Variants in PLG observed in about 807,000 individuals in gnomAD.
The protein encoded by PLG is plasminogen.
A neutral mutation model predicts 104.4 loss-of-function variants in PLG; 41 were observed. That is an observed-to-expected ratio of 0.39 (90% CI 0.31 to 0.51). The LOEUF (loss-of-function observed/expected upper bound fraction) is 0.51, where lower values mean the gene tolerates loss of function less well. Among genes scored for constraint, PLG ranks in the 20% least tolerant of loss-of-function variants. The pLI, the probability that PLG is intolerant of heterozygous loss-of-function variation, is 0.76. For missense variants in PLG, 891 were observed against 1,003.6 expected (o/e 0.89, Z 1.52); for synonymous variants, 337 against 357.1 (o/e 0.94, Z 0.63).
At chr6:160,717,369 G>A (rs891272333) in intron 7 of PLG, among the ~76,000 whole-genome samples, 9 of 152,236 alleles carry the variant, frequency 5.9e-5, no homozygotes, top group African/African-American at 2.2e-4. Flanking sequence ...AAAGGATTCA[G>A]TGAGGGTTGG....
At chr6:160,713,154 A>G (rs1266528254) in intron 5 of PLG, 29 bp downstream of exon 5, 1 of 1,572,300 alleles carries the variant, frequency 6.4e-7, no homozygotes, top group Admixed American at 1.7e-5. Context: ...AAATGTTTTC[A>G]TTTCTGCCCT....
At chr6:160,713,990 G>A (rs1777690349) in intron 5 of PLG, among the ~76,000 whole-genome samples, 1 of 152,196 alleles carries the variant, frequency 6.6e-6, no homozygotes, top group Non-Finnish European at 1.5e-5. Context: ...GGTACTGTGT[G>A]ACAACTCAGT....
chr6:160,708,628 G>A (rs944998922), intron 3 of PLG: 17 of 152,142 alleles, frequency 1.1e-4, no homozygotes, highest in African/African-American at 3.9e-4. Flanking sequence ...TAACAATTTA[G>A]CTCTCCAAAC....
chr6:160,737,155 T>G lies in PLG; in HGVS notation c.1802+148T>G. The G allele has an allele frequency of 3.9e-6, 3 of 761,350 alleles. No individual in the cohort carries two copies. The highest frequency in any genetic ancestry group is 1.8e-5 in the African/African-American group (1 of 55,922). The allele number at this position is 761,350 out of a possible 1,614,324, so 47.2% of individuals were successfully genotyped here. ...AGGAAAAAAGCTACAAAAATTAATA[T>G]ATGTATATATACATATATATTTTTA... On this transcript the variant is annotated intron_variant, in intron 14 of 18. Coordinates refer to ENST00000308192, the MANE Select transcript of PLG (RefSeq NM_000301.5). This position sits in a 1 kb window ranked among gnomAD's most constrained non-coding sequence, Gnocchi z 4.7.
At chr6:160,746,670 A>G (rs951858132) in intron 17 of PLG, among the ~76,000 whole-genome samples, 2 of 152,216 alleles carry the variant, frequency 1.3e-5, no homozygotes, top group African/African-American at 2.4e-5. Context: ...AACCCTTGTT[A>G]GAGAACTAGT....
intron 1 of PLG, chr6:160,706,177 C>T (rs142673539): frequency 3.8e-5 from 22 of 580,930 alleles, no homozygotes; most frequent in Middle Eastern, 5.0e-4. Flanking sequence ...TCCCTCTCTC[C>T]CTTCTCTGGT....
chr6:160,726,616 C>T lies in PLG; in HGVS notation c.1256+4049C>T, dbSNP rs1221270368. On this transcript the variant is annotated intron_variant, in intron 10 of 18. Transcript: ENST00000308192. The surrounding 1 kb of genome is among the most constrained non-coding windows in gnomAD (Gnocchi z 4.4). ...AAAAAAAAGATTTTATTTGCTATTTCACTTTTATTTCCTGATAAGTGTACA... is the reference window on the plus strand; with the variant it reads ...AAAAAAAAGATTTTATTTGCTATTTTACTTTTATTTCCTGATAAGTGTACA... 6.6e-6 allele frequency among the ~76,000 whole-genome samples: 1 copy of T among 151,786 alleles called. No homozygotes were observed. Among genetic ancestry groups the T allele is most frequent in the Non-Finnish European group, 1.5e-5 (1 of 67,822 alleles).
In PLG at chr6:160,706,182, T is replaced by A. The variant is rs997334224; in HGVS notation, c.50-225T>A. The A allele has an allele frequency of 2.2e-5, 13 of 592,242 alleles. No homozygotes were observed. In the African/African-American group the frequency reaches 2.4e-4, roughly 11 times the overall value. 36.7% of individuals were successfully genotyped at this position (592,242 alleles called of 1,614,324 possible). On this transcript the variant is annotated intron_variant, in intron 1 of 18. Transcript: ENST00000308192. ...CTTGCCTTGCTCCCTCTCTCCCTTC[T>A]CTGGTAGTCCCCAGTGTCTTTAGTT... is the stretch of plus-strand genomic sequence containing the variant.
At position 160,744,394 on chromosome 6, in the gene PLG, G is replaced by T. The variant is rs897814824; in HGVS notation, c.2125+2977G>T. 6.6e-6 allele frequency among the ~76,000 whole-genome samples: 1 copy of T among 152,160 alleles called. No homozygotes were observed. Among genetic ancestry groups the T allele is most frequent in the African/African-American group, 2.4e-5 (1 of 41,436 alleles). Reference sequence around the variant, plus strand: ...CTTCCTGGTTCAGTCTTGGGAGGGTGTATGTGTCCAGGAATTTATCCATCT... The same window carrying T: ...CTTCCTGGTTCAGTCTTGGGAGGGTTTATGTGTCCAGGAATTTATCCATCT... On this transcript the variant is annotated intron_variant, in intron 17 of 18. Transcript: ENST00000308192. The surrounding 1 kb of genome is among the most constrained non-coding windows in gnomAD (Gnocchi z 4.5).
chr6:160,751,949 TATG>T (rs1257841133), intron 17 of PLG, among the ~76,000 whole-genome samples, 163 bp from the exon 18 acceptor site: 1 of 152,128 alleles, frequency 6.6e-6, no homozygotes, highest in Non-Finnish European at 1.5e-5. Context: ...CAGAATCATA[TATG>T]ATGTTTACAC....
chr6:160,716,152 T>C (rs1046914169), intron 6 of PLG, among the ~76,000 whole-genome samples: 1 of 152,240 alleles, frequency 6.6e-6, no homozygotes, highest in Non-Finnish European at 1.5e-5. Context: ...ACTAGATGAG[T>C]ATCTTTAGGC....
Position 160,741,162 on chromosome 6 carries a change from A to G in PLG, c.2019-149A>G. On this transcript the variant is annotated intron_variant, in intron 16 of 18. Transcript: ENST00000308192. The surrounding 1 kb of genome is among the most constrained non-coding windows in gnomAD (Gnocchi z 4.7). ...ACAACCACAGGCAAATGTGAGGGTG[A>G]AACTCTGTGTTCTACGTTGCTCTGT... 2 of 681,254 alleles carry G rather than the reference A, an allele frequency of 2.9e-6. No homozygotes were observed. The highest frequency in any genetic ancestry group is 2.8e-6 in the Non-Finnish European group (1 of 361,938). 42.2% of individuals were successfully genotyped at this position (681,254 alleles called of 1,614,324 possible).
intron 10 of PLG, among the ~76,000 whole-genome samples, chr6:160,729,029 A>G (rs564683606): frequency 1.3e-5 from 2 of 152,358 alleles, no homozygotes; most frequent in Admixed American, 6.5e-5. Flanking sequence ...TTGTATCTAG[A>G]GTATAAACGT....
chr6:160,720,334 A>G (rs1777807130), intron 9 of PLG, among the ~76,000 whole-genome samples: 1 of 149,934 alleles, frequency 6.7e-6, no homozygotes, highest in Non-Finnish European at 1.5e-5. Flanking sequence ...CTTTGTGTTT[A>G]ATCTGCTTGA....
chr6:160,743,643 C>T (rs577569669), intron 17 of PLG, among the ~76,000 whole-genome samples: 27 of 152,258 alleles, frequency 1.8e-4, no homozygotes, highest in Admixed American at 7.8e-4. Context: ...TATCTGGATG[C>T]CCTTTATTTC....
Position 160,736,422 on chromosome 6 carries a change from C to T in PLG, c.1682-465C>T, listed in dbSNP as rs1414938240. On this transcript the variant is annotated intron_variant, in intron 13 of 18. Transcript: ENST00000308192. This position sits in a 1 kb window ranked among gnomAD's most constrained non-coding sequence, Gnocchi z 5.2. ...ACACACGTGCACACACAGAGACTCACATGGAAAAATAAACCTTTGTGCCTT... is the reference window on the plus strand; with the variant it reads ...ACACACGTGCACACACAGAGACTCATATGGAAAAATAAACCTTTGTGCCTT... Among the ~76,000 whole-genome samples the T allele has an allele frequency of 2.0e-5, 3 of 152,096 alleles. No homozygotes were observed. Among genetic ancestry groups the T allele is most frequent in the Non-Finnish European group, 4.4e-5 (3 of 68,028 alleles).
chr6:160,730,675 T>G (rs1777985098), intron 10 of PLG: 3 of 255,484 alleles, frequency 1.2e-5, no homozygotes, highest in Admixed American at 5.0e-5. Flanking sequence ...CAGTTAGAGA[T>G]ATACTTTTAT....
At position 160,738,755 on chromosome 6, in the gene PLG, A is replaced by AT; in HGVS notation, c.1877+144dup. On this transcript the variant is annotated intron_variant, in intron 15 of 18. Transcript: ENST00000308192. The surrounding 1 kb of genome is among the most constrained non-coding windows in gnomAD (Gnocchi z 6.8). ...CTAGGGACCAGGCCAGGGCAATTGG[A>AT]TAAGAGAGAAGGGAAGGGTTTCTAG... 1.4e-6 allele frequency: 1 copy of AT among 722,926 alleles called. No individual in the cohort carries two copies. Among genetic ancestry groups the AT allele is most frequent in the Non-Finnish European group, 2.5e-6 (1 of 401,412 alleles). 44.8% of individuals were successfully genotyped at this position (722,926 alleles called of 1,614,324 possible). A position where few individuals can be genotyped will look rare whatever the true frequency, so the allele number is the denominator to read the frequency against.
chr6:160,702,814 G>A (rs1777444315), intron 1 of PLG, among the ~76,000 whole-genome samples: 1 of 152,200 alleles, frequency 6.6e-6, no homozygotes, highest in Admixed American at 6.5e-5. Context: ...CGGGGACTCA[G>A]CATTTCTCCC....
Sources: gnomAD v4.1 joint callset for allele counts (sites outside exome capture counted in the v4.1 genomes callset) on GRCh38, gnomAD v4.1.1 for gene constraint, Gnocchi (gnomAD v3.1) non-coding constraint, MANE v1.5 for transcripts, NCBI Gene and HGNC (gene_info 2026-07-23, HGNC 2026-07-21) for gene names.